Variants in THSD4 observed in about 807,000 individuals in gnomAD.
THSD4 encodes the protein thrombospondin type 1 domain containing 4.
In THSD4, 69 loss-of-function variants were observed where a neutral mutation model predicts 119.0. The observed-to-expected ratio is 0.58, with a 90% confidence interval of 0.48 to 0.71. The LOEUF is 0.71. THSD4 is among the 30% of genes least tolerant of loss of function. THSD4 has a pLI of 0.00. For missense variants in THSD4, 1,393 were observed against 1,391.1 expected, an observed-to-expected ratio of 1.00 and a Z score of -0.02; for synonymous variants, 524 against 540.4, an observed-to-expected ratio of 0.97 and a Z score of 0.42.
At chr15:71,190,791 TC>T (rs1456009729) in intron 3 of THSD4, among the ~76,000 whole-genome samples, 1 of 152,046 alleles carries the variant, frequency 6.6e-6, no homozygotes, top group Non-Finnish European at 1.5e-5. Flanking sequence ...AAGGTGTCAC[TC>T]CCCTCGCTTT....
intron 7 of THSD4, among the ~76,000 whole-genome samples, chr15:71,656,436 C>T (rs1175085086): frequency 6.6e-6 from 1 of 152,136 alleles, no homozygotes; most frequent in African/African-American, 2.4e-5. Context: ...TATGTATTCA[C>T]ACACTGTGTA....
At chr15:71,173,027 C>A (rs915811515) in intron 3 of THSD4, among the ~76,000 whole-genome samples, 9 of 151,584 alleles carry the variant, frequency 5.9e-5, no homozygotes, top group African/African-American at 1.9e-4. Context: ...CTAGGAGAAG[C>A]AATTAGGCAA....
At chr15:71,740,763 T>C (rs1425280976) in intron 11 of THSD4, among the ~76,000 whole-genome samples, 1 of 152,218 alleles carries the variant, frequency 6.6e-6, no homozygotes, top group Non-Finnish European at 1.5e-5. Context: ...TACCTCACTA[T>C]ATGCTAGTAT....
chr15:71,471,587 G>A (rs1248716417), intron 7 of THSD4, among the ~76,000 whole-genome samples: 3 of 151,682 alleles, frequency 2.0e-5, no homozygotes, highest in South Asian at 4.2e-4. Flanking sequence ...AATGTGAAAG[G>A]CGAAGTATGA....
chr15:71,253,206 G>A (rs10518938), intron 5 of THSD4, among the ~76,000 whole-genome samples: 73,836 of 152,060 alleles, frequency 0.49, 20,079 homozygotes, highest in Middle Eastern at 0.77. Context: ...ACTGGACTAC[G>A]CTTAGATGTA....
At chr15:71,104,512 C>A (rs1242361941) in intron 1 of THSD4, among the ~76,000 whole-genome samples, 1 of 152,170 alleles carries the variant, frequency 6.6e-6, no homozygotes, top group Admixed American at 6.5e-5. Context: ...AATGGAAAAA[C>A]CAAACTCTGA....
At chr15:71,686,072 T>C (rs973656557) in intron 8 of THSD4, among the ~76,000 whole-genome samples, 1 of 152,236 alleles carries the variant, frequency 6.6e-6, no homozygotes, top group Non-Finnish European at 1.5e-5. Context: ...TTTAAAACTT[T>C]ATGGTAAAAT....
At chr15:71,097,122 T>A (rs1352161372) in intron 1 of THSD4, 1 of 152,228 alleles carries the variant, frequency 6.6e-6, no homozygotes, top group Admixed American at 6.5e-5. Context: ...ATAGGCTGAT[T>A]CAAACTGGAT....
Position 71,482,295 on chromosome 15 carries a change from C to CTTTTT in THSD4, c.1152+70481_1152+70485dup, listed in dbSNP as rs33948399. Among the ~76,000 whole-genome samples the CTTTTT allele has an allele frequency of 8.4e-3, 1,205 of 143,562 alleles. 28 individuals carry two copies. Among genetic ancestry groups the CTTTTT allele is most frequent in the African/African-American group, 0.024 (947 of 38,764 alleles). 94.2% of individuals were successfully genotyped at this position (143,562 alleles called of 152,430 possible). On this transcript the variant is annotated intron_variant, in intron 7 of 17. Coordinates refer to ENST00000261862, the MANE Select transcript of THSD4 (RefSeq NM_024817.3). The stretch of plus-strand genomic sequence containing the variant: ...AAAGATGGAAAGGACTGTACTGTAA[C>CTTTTT]TTTTTTTTTTTTTGAGACGGAGTCT...
chr15:71,268,491 A>G (rs764718275), intron 6 of THSD4, among the ~76,000 whole-genome samples: 8 of 152,220 alleles, frequency 5.3e-5, no homozygotes, highest in East Asian at 1.9e-4. Context: ...CTAAATGCCC[A>G]TAGGAGAAAG....
At position 71,405,591 on chromosome 15, in the gene THSD4, G is replaced by A. The variant is rs118180750; in HGVS notation, c.1016-6096G>A. 1.4e-3 allele frequency among the ~76,000 whole-genome samples: 210 copies of A among 152,236 alleles called. 1 individual carries two copies. Among genetic ancestry groups the A allele is most frequent in the Non-Finnish European group, 2.5e-3 (173 of 68,006 alleles). ...AAAATACCACACTTACTGTTGATTC[G>A]TAGTAAGTTTTAAAATCAGGAAATA... On this transcript the variant is annotated intron_variant, in intron 6 of 17. Coordinates refer to ENST00000261862, the MANE Select transcript of THSD4 (RefSeq NM_024817.3).
At chr15:71,190,767 G>A (rs371346733) in intron 3 of THSD4, among the ~76,000 whole-genome samples, 7 of 152,156 alleles carry the variant, frequency 4.6e-5, no homozygotes, top group East Asian at 1.9e-4. Flanking sequence ...CAAAAAATTC[G>A]TCTCTAACAG....
intron 6 of THSD4, among the ~76,000 whole-genome samples, chr15:71,260,429 C>G (rs544264667): frequency 2.0e-5 from 3 of 152,200 alleles, no homozygotes; most frequent in African/African-American, 7.2e-5. Context: ...TATTTCCATC[C>G]TCTCTCTCCC....
At chr15:71,276,357 A>G (rs2044590457) in intron 6 of THSD4, among the ~76,000 whole-genome samples, 1 of 152,100 alleles carries the variant, frequency 6.6e-6, no homozygotes, top group Admixed American at 6.5e-5. Flanking sequence ...GAATAATTTT[A>G]TTTCCTTAAA....
chr15:71,383,381 G>T (rs973213003), intron 6 of THSD4, among the ~76,000 whole-genome samples: 1 of 152,070 alleles, frequency 6.6e-6, no homozygotes, highest in Admixed American at 6.5e-5. Flanking sequence ...TATCTCAAAG[G>T]CACGGAACTG....
chr15:71,259,116 AAAAAAAC>A lies in THSD4; in HGVS notation c.1015+2415_1015+2421del, dbSNP rs541039971. ...CAACAAGAGTGCAACTCCGTCTCAAAAAAAAACAAAAAACAAAAAAAAAGAAGAGGAG... is the reference window on the plus strand; with the variant it reads ...CAACAAGAGTGCAACTCCGTCTCAAAAAAAAACAAAAAAAAAGAAGAGGAG... On this transcript the variant is annotated intron_variant, in intron 6 of 17. Transcript: ENST00000261862. Among the ~76,000 whole-genome samples the A allele has an allele frequency of 1.0e-3, 158 of 152,154 alleles. 1 individual carries two copies. Among genetic ancestry groups the A allele is most frequent in the South Asian group, 5.6e-3 (27 of 4,792 alleles).
chr15:71,110,819 C>T, upstream of THSD4: 1 of 308,022 alleles, frequency 3.2e-6, no homozygotes, highest in South Asian at 4.9e-5. Flanking sequence ...CTCATCCTTC[C>T]TTTAGTCGTT....
intron 7 of THSD4, among the ~76,000 whole-genome samples, chr15:71,564,394 C>T (rs980063235): frequency 1.1e-4 from 17 of 152,232 alleles, no homozygotes; most frequent in African/African-American, 4.1e-4. Context: ...TGTTTCACAG[C>T]AGAGAGGACA....
At chr15:71,592,865 G>A (rs2140876503) in intron 7 of THSD4, among the ~76,000 whole-genome samples, 1 of 152,240 alleles carries the variant, frequency 6.6e-6, no homozygotes, top group Non-Finnish European at 1.5e-5. Flanking sequence ...TGAGCTGACT[G>A]TCCTGCCTGC....
Sources: allele counts gnomAD v4.1 joint callset (sites outside exome capture counted in the v4.1 genomes callset), GRCh38; gene constraint gnomAD v4.1.1; transcripts MANE v1.5; gene names NCBI Gene and HGNC (gene_info 2026-07-23, HGNC 2026-07-21).